ADGRG7: variants seen among roughly 807,000 people sequenced by gnomAD.
The protein encoded by ADGRG7 is G-protein coupled receptor 128.
A neutral mutation model predicts 88.6 loss-of-function variants in ADGRG7; 82 were observed. That is an observed-to-expected ratio of 0.93 (90% CI 0.77 to 1.11). ADGRG7 has a LOEUF of 1.11. Among genes scored for constraint, ADGRG7 ranks in the 50% most tolerant of loss-of-function variants. The pLI is 0.00. For synonymous variants in ADGRG7, 381 were observed against 345.2 expected (o/e 1.10, Z -1.15); for missense variants, 945 against 953.4 (o/e 0.99, Z 0.12).
intron 14 of ADGRG7, among the ~76,000 whole-genome samples, chr3:100,661,338 T>G (rs2094945032): frequency 6.6e-6 from 1 of 152,246 alleles, no homozygotes; most frequent in Non-Finnish European, 1.5e-5. Flanking sequence ...TATAGCAAGC[T>G]TACAAATAGG....
At position 100,659,709 on chromosome 3, in the gene ADGRG7, A is replaced by G; in HGVS notation, c.1845A>G (p.Glu615=). Residue 615 remains glutamate (E), a synonymous_variant, in exon 14 of 16, where the codon GAA becomes GAG. Transcript: ENST00000273352. ...QEKICWLAIP[E]PNGVIKSPLL... ...ACAGCTGCTGGCTGGCAATTCCAGA[A>G]CCCAATGGTGTTATAAAAAGTCCGC... 1 of 1,613,966 alleles carries G rather than the reference A, an allele frequency of 6.2e-7. No homozygotes were observed. The highest frequency in any genetic ancestry group is 1.1e-5 in the South Asian group (1 of 91,034).
At chr3:100,660,501 C>T (rs1170746113) in intron 14 of ADGRG7, among the ~76,000 whole-genome samples, 1 of 151,998 alleles carries the variant, frequency 6.6e-6, no homozygotes, top group African/African-American at 2.4e-5. Context: ...GCGATATAGT[C>T]TCTGTAAAAA....
At chr3:100,633,618 A>G (rs1707488208) in intron 4 of ADGRG7, among the ~76,000 whole-genome samples, 1 of 152,102 alleles carries the variant, frequency 6.6e-6, no homozygotes, top group Non-Finnish European at 1.5e-5. Flanking sequence ...TCTGCCTCCC[A>G]GGTTGAAGCA....
chr3:100,667,427 T>C (rs968441614), intron 14 of ADGRG7, among the ~76,000 whole-genome samples: 3 of 152,166 alleles, frequency 2.0e-5, no homozygotes, highest in Non-Finnish European at 4.4e-5. Flanking sequence ...ACATGCAGTA[T>C]TTGTTTTTGT....
chr3:100,660,331 G>T (rs2094943513), intron 14 of ADGRG7, among the ~76,000 whole-genome samples: 1 of 152,014 alleles, frequency 6.6e-6, no homozygotes, highest in African/African-American at 2.4e-5. Flanking sequence ...TTGAGACAGG[G>T]TCTTGCTCTG....
At chr3:100,674,995 T>C (rs1016116269) in intron 15 of ADGRG7, among the ~76,000 whole-genome samples, 2 of 152,238 alleles carry the variant, frequency 1.3e-5, no homozygotes, top group African/African-American at 4.8e-5. Context: ...TTTTTTTTCT[T>C]GTGGAGTCTA....
At chr3:100,662,940 C>G (rs2094947408) in intron 14 of ADGRG7, among the ~76,000 whole-genome samples, 1 of 152,058 alleles carries the variant, frequency 6.6e-6, no homozygotes. Flanking sequence ...AAAGGGAAAT[C>G]TATACAAATG....
chr3:100,644,248 A>C (rs998600123), intron 8 of ADGRG7, among the ~76,000 whole-genome samples: 7 of 152,212 alleles, frequency 4.6e-5, no homozygotes, highest in South Asian at 2.1e-4. Flanking sequence ...CAAGCAAAAA[A>C]ACCCGATGTC....
intron 1 of ADGRG7, among the ~76,000 whole-genome samples, chr3:100,614,187 T>C (rs1707195827): frequency 6.6e-6 from 1 of 152,184 alleles, no homozygotes; most frequent in African/African-American, 2.4e-5. Context: ...TTGACCTAGA[T>C]TGGACCTTTG....
At chr3:100,672,414 G>A (rs1344016091) in intron 15 of ADGRG7, among the ~76,000 whole-genome samples, 1 of 152,212 alleles carries the variant, frequency 6.6e-6, no homozygotes, top group Non-Finnish European at 1.5e-5. Context: ...TTTGTATCCT[G>A]AGACATTACT....
At position 100,631,732 on chromosome 3, in the gene ADGRG7, G is replaced by A. The variant is rs574851759; in HGVS notation, c.334+923G>A. ...TTTTTGTATGTGTCAAGGGAACTCT[G>A]AAGCACTAAATAAATTAAATGAATT... is the stretch of plus-strand genomic sequence containing the variant. On this transcript the variant is annotated intron_variant, in intron 3 of 15. Coordinates refer to ENST00000273352, the MANE Select transcript of ADGRG7 (RefSeq NM_032787.3). Among the ~76,000 whole-genome samples the A allele has an allele frequency of 2.0e-5, 3 of 152,260 alleles. No individual in the cohort carries two copies. In the South Asian group the frequency reaches 6.2e-4, roughly 32 times the overall value.
In ADGRG7 at chr3:100,668,994, T is replaced by G. The variant is rs1450413518; in HGVS notation, c.2025T>G (p.Ser675=). The G allele has an allele frequency of 6.2e-7, 1 of 1,605,976 alleles. No individual in the cohort carries two copies. The highest frequency in any genetic ancestry group is 2.2e-5 in the East Asian group (1 of 44,684). ...SSMKKIVSTL[S]VAVVFGITWI... ...TGAAGAAGATTGTTAGCACATTATC[T>G]GTTGCAGTTGTTTTTGGAATTACCT... Residue 675 remains serine, a synonymous_variant, in exon 15 of 16, where the codon TCT becomes TCG. Coordinates refer to ENST00000273352, the MANE Select transcript of ADGRG7 (RefSeq NM_032787.3).
chr3:100,642,730 A>G (rs1406658201), intron 6 of ADGRG7, among the ~76,000 whole-genome samples: 1 of 152,238 alleles, frequency 6.6e-6, no homozygotes, highest in Non-Finnish European at 1.5e-5. Flanking sequence ...AGAACATTGT[A>G]AAAACCTTCA....
At chr3:100,678,780 T>C (rs2094968970) in intron 15 of ADGRG7, among the ~76,000 whole-genome samples, 1 of 152,192 alleles carries the variant, frequency 6.6e-6, no homozygotes, top group South Asian at 2.1e-4. Flanking sequence ...TCTCTTCCAT[T>C]ATTTTCCTGC....
chr3:100,615,468 G>C (rs1054681773), intron 1 of ADGRG7, among the ~76,000 whole-genome samples: 1 of 152,210 alleles, frequency 6.6e-6, no homozygotes, highest in African/African-American at 2.4e-5. Flanking sequence ...ACTTGGACTA[G>C]ATATCCTCAA....
chr3:100,668,997 T>G lies in ADGRG7; in HGVS notation c.2028T>G (p.Val676=), dbSNP rs1436897568. The part of the protein sequence containing the change: ...SMKKIVSTLS[V]AVVFGITWIL... ...AGAAGATTGTTAGCACATTATCTGTTGCAGTTGTTTTTGGAATTACCTGGA... is the reference window on the plus strand; with the variant it reads ...AGAAGATTGTTAGCACATTATCTGTGGCAGTTGTTTTTGGAATTACCTGGA... Residue 676 remains valine, a synonymous_variant, in exon 15 of 16, where the codon GTT becomes GTG. Coordinates refer to ENST00000273352, the MANE Select transcript of ADGRG7 (RefSeq NM_032787.3). 25 of 1,606,484 alleles carry G rather than the reference T, an allele frequency of 1.6e-5. No homozygotes were observed. The highest frequency in any genetic ancestry group is 2.1e-5 in the Non-Finnish European group (25 of 1,177,094).
At chr3:100,688,486 T>A (rs1183298982) in intron 15 of ADGRG7, among the ~76,000 whole-genome samples, 4 of 152,208 alleles carry the variant, frequency 2.6e-5, no homozygotes, top group Admixed American at 1.3e-4. Context: ...CCATTTTAGA[T>A]CTTTCCTGCT....
chr3:100,623,640 T>C (rs1173823637), intron 1 of ADGRG7, among the ~76,000 whole-genome samples: 1 of 152,182 alleles, frequency 6.6e-6, no homozygotes, highest in Non-Finnish European at 1.5e-5. Context: ...CCTATCAACT[T>C]ATCATGTACG....
At position 100,669,101 on chromosome 3, in the gene ADGRG7, C is replaced by A; in HGVS notation, c.2132C>A (p.Thr711Lys). Residue 711 changes from threonine (T) to lysine (K), a missense_variant, in exon 15 of 16, where the codon ACA becomes AAA. Coordinates refer to ENST00000273352, the MANE Select transcript of ADGRG7 (RefSeq NM_032787.3). The stretch of plus-strand genomic sequence containing the variant: ...TACATATTCTGCCTTTTCAACACTA[C>A]ACAGGTATGGTGCGGATTAGTCTGA... ...FSYIFCLFNT[T>K]QGLQIFILYT... The A allele has an allele frequency of 6.3e-7, 1 of 1,580,742 alleles. No individual in the cohort carries two copies. The highest frequency in any genetic ancestry group is 8.6e-7 in the Non-Finnish European group (1 of 1,164,910).
Sources: gnomAD v4.1 joint callset for allele counts (sites outside exome capture counted in the v4.1 genomes callset) on GRCh38, gnomAD v4.1.1 for gene constraint, MANE v1.5 for transcripts, NCBI Gene and HGNC (gene_info 2026-07-23, HGNC 2026-07-21) for gene names.